Variants in ATRX observed in about 807,000 individuals in gnomAD.
ATRX encodes the protein ATRX chromatin remodeler, also known as chromatin remodeler ATRX.
ATRX carries 12 observed loss-of-function variants against 172.6 expected under a neutral mutation model. The ratio of observed to expected loss-of-function variants is 0.07; its 90% confidence interval spans 0.04 to 0.11. The LOEUF (loss-of-function observed/expected upper bound fraction) is 0.11. Ranked by LOEUF, ATRX falls within the 10% of genes least tolerant of loss-of-function variation. The pLI is 1.00. For synonymous variants in ATRX, 674 were observed against 594.7 expected, an observed-to-expected ratio of 1.13 and a Z score of -1.94; for missense variants, 1,368 against 1,767.4, an observed-to-expected ratio of 0.77 and a Z score of 4.05.
intron 28 of ATRX, among the ~76,000 whole-genome samples, chrX:77,573,731 G>T (rs996642098): frequency 1.8e-5 from 2 of 111,616 alleles, no homozygotes; most frequent in African/African-American, 6.5e-5. Context: ...ATGAAAAATT[G>T]TACAGTCACT....
chrX:77,673,304 A>G (rs2148531817), intron 10 of ATRX, among the ~76,000 whole-genome samples: 1 of 111,321 alleles, frequency 9.0e-6, no homozygotes, highest in Non-Finnish European at 1.9e-5. Flanking sequence ...TGAAAGGCCA[A>G]TGAAACCCTA....
At chrX:77,647,146 T>C (rs1299952833) in intron 15 of ATRX, among the ~76,000 whole-genome samples, 3 of 110,892 alleles carry the variant, frequency 2.7e-5, no homozygotes, top group African/African-American at 9.8e-5. Flanking sequence ...AACACAAATA[T>C]GTGGAAATTA....
At chrX:77,585,243 G>A (rs1186411143) in intron 27 of ATRX, among the ~76,000 whole-genome samples, 2 of 109,886 alleles carry the variant, frequency 1.8e-5, no homozygotes, top group Non-Finnish European at 3.8e-5. Flanking sequence ...ACAGTTCAGA[G>A]GTTCCTCAAA....
intron 34 of ATRX, among the ~76,000 whole-genome samples, chrX:77,514,470 G>A (rs991428682): frequency 9.0e-6 from 1 of 111,577 alleles, no homozygotes; most frequent in African/African-American, 3.3e-5. Context: ...ACAACCATCT[G>A]ATCTTTGACA....
chrX:77,736,176 A>T (rs1557179011), intron 1 of ATRX, among the ~76,000 whole-genome samples: 1 of 111,451 alleles, frequency 9.0e-6, no homozygotes, highest in African/African-American at 3.3e-5. Flanking sequence ...CTTGAACAAT[A>T]CCCCACAAGC....
chrX:77,729,809 T>C lies in ATRX; in HGVS notation c.21-12566A>G, dbSNP rs1273146696. Among the ~76,000 whole-genome samples the C allele has an allele frequency of 3.6e-5, 4 of 111,102 alleles. No homozygotes were observed. The East Asian group carries it at 1.1e-3, about 31-fold the overall frequency. ...AAACTTAGCTGGGTGTGCCAGTGCATGCCTGTAGTCCCAGCTACTCGGTAG... is the reference window on the plus strand; with the variant it reads ...AAACTTAGCTGGGTGTGCCAGTGCACGCCTGTAGTCCCAGCTACTCGGTAG... On this transcript the variant is annotated intron_variant, in intron 1 of 34. Transcript: ENST00000373344.
intron 2 of ATRX, among the ~76,000 whole-genome samples, chrX:77,716,323 A>ATATATATAT (rs782067024): frequency 3.3e-4 from 7 of 21,023 alleles, no homozygotes; most frequent in East Asian, 1.0e-3. Context: ...AAAAAAAAAA[A>ATATATATAT]ATATATATAT....
At chrX:77,766,176 T>C (rs1353483876) in intron 1 of ATRX, among the ~76,000 whole-genome samples, 3 of 112,826 alleles carry the variant, frequency 2.7e-5, no homozygotes, top group Non-Finnish European at 5.6e-5. Flanking sequence ...GCCACTGTCA[T>C]CATGGCCCGT....
rs961983452 is a variant in ATRX, at chrX:77,633,065, G to A, written c.5134+142C>T. 2.2e-5 allele frequency: 13 copies of A among 597,144 alleles called. No homozygotes were observed. In the African/African-American group the frequency reaches 2.9e-4, roughly 14 times the overall value. 49.2% of individuals were successfully genotyped at this position (597,144 alleles called of 1,213,427 possible). ...TGATTTTATTCTATTGAAATACTAA[G>A]AATTTTCTAAAAGGCAAAAACCTGA... On this transcript the variant is annotated intron_variant, in intron 19 of 34. Coordinates refer to ENST00000373344, the MANE Select transcript of ATRX (RefSeq NM_000489.6).
intron 30 of ATRX, among the ~76,000 whole-genome samples, chrX:77,554,373 A>G (rs926152009): frequency 7.2e-5 from 8 of 111,574 alleles, no homozygotes; most frequent in African/African-American, 2.6e-4. Flanking sequence ...GAGTTCTACC[A>G]TTTATTTTCA....
chrX:77,606,371 A>G (rs1557090482), intron 22 of ATRX, among the ~76,000 whole-genome samples: 1 of 111,571 alleles, frequency 9.0e-6, no homozygotes, highest in African/African-American at 3.3e-5. Context: ...TCCAAGAAGT[A>G]CTAATTCCAA....
chrX:77,757,034 C>T, intron 1 of ATRX, among the ~76,000 whole-genome samples: 1 of 111,439 alleles, frequency 9.0e-6, no homozygotes, highest in African/African-American at 3.3e-5. Context: ...GATCCATCCG[C>T]TTCAACTTCC....
chrX:77,742,165 T>C (rs1360144545), intron 1 of ATRX, among the ~76,000 whole-genome samples: 1 of 111,960 alleles, frequency 8.9e-6, no homozygotes, highest in Non-Finnish European at 1.9e-5. Flanking sequence ...TTAGACCAAC[T>C]AAGAAGAAAA....
intron 11 of ATRX, among the ~76,000 whole-genome samples, chrX:77,664,024 C>T (rs2070084706): frequency 9.2e-6 from 1 of 108,445 alleles, no homozygotes; most frequent in Non-Finnish European, 1.9e-5. Flanking sequence ...TCGCTTGAAC[C>T]CGGGAGGCAG....
chrX:77,532,338 C>G (rs2063605220), intron 30 of ATRX, among the ~76,000 whole-genome samples: 1 of 111,415 alleles, frequency 9.0e-6, no homozygotes, highest in African/African-American at 3.3e-5. Flanking sequence ...CCAATGAATC[C>G]TAAGCAAAAA....
At chrX:77,564,591 G>A (rs1295892394) in intron 28 of ATRX, among the ~76,000 whole-genome samples, 2 of 109,993 alleles carry the variant, frequency 1.8e-5, no homozygotes, top group Non-Finnish European at 3.8e-5. Context: ...TCACTATGTT[G>A]CCCAGACTGG....
At chrX:77,730,671 T>C (rs1456910546) in intron 1 of ATRX, among the ~76,000 whole-genome samples, 1 of 111,962 alleles carries the variant, frequency 8.9e-6, no homozygotes, top group Non-Finnish European at 1.9e-5. Context: ...TAGAAATCAA[T>C]AATGAGAAAT....
At chrX:77,644,906 T>C (rs1569534544) in intron 15 of ATRX, among the ~76,000 whole-genome samples, 2 of 111,234 alleles carry the variant, frequency 1.8e-5, no homozygotes, top group Non-Finnish European at 3.8e-5. Flanking sequence ...AATACAGGAA[T>C]GAACTCAAAC....
intron 30 of ATRX, among the ~76,000 whole-genome samples, chrX:77,551,611 G>A (rs1557056255): frequency 8.9e-6 from 1 of 111,877 alleles, no homozygotes; most frequent in Admixed American, 9.5e-5. Context: ...AGCCAAAATT[G>A]ACAAATGGGA....
Sources: gnomAD v4.1 joint callset for allele counts (sites outside exome capture counted in the v4.1 genomes callset) on GRCh38, gnomAD v4.1.1 for gene constraint, MANE v1.5 for transcripts, NCBI Gene and HGNC (gene_info 2026-07-23, HGNC 2026-07-21) for gene names.